The following BRINP1 variants were observed in gnomAD, a reference collection of about 807,000 sequenced individuals.
BRINP1 encodes the protein BMP/retinoic acid-inducible neural-specific protein 1.
Under a neutral mutation model 72.9 loss-of-function variants are expected in BRINP1, and 17 were observed. The ratio of observed to expected loss-of-function variants is 0.23; its 90% CI spans 0.16 to 0.35. BRINP1 has a LOEUF of 0.35. Ranked by LOEUF, BRINP1 falls within the 10% of genes least tolerant of loss-of-function variation. The probability of loss-of-function intolerance (pLI) is 1.00; values close to 1 mark genes in which losing one functional copy is unlikely to be tolerated. For synonymous variants in BRINP1, 418 were observed against 378.5 expected (o/e 1.10, Z -1.21); for missense variants, 850 against 1,001.6 (o/e 0.85, Z 2.04).
At chr9:119,288,967 A>AT (rs1321965331) in intron 2 of BRINP1, among the ~76,000 whole-genome samples, 2 of 152,086 alleles carry the variant, frequency 1.3e-5, no homozygotes, top group Non-Finnish European at 2.9e-5. Context: ...CACCTGGCTA[A>AT]TTTTTTATAT....
At chr9:119,261,830 CTTCT>C (rs1166294864) in intron 2 of BRINP1, among the ~76,000 whole-genome samples, 7 of 146,896 alleles carry the variant, frequency 4.8e-5, no homozygotes, top group Admixed American at 2.1e-4. Flanking sequence ...TTTATTCTTT[CTTCT>C]TTCTTTCTCC....
chr9:119,313,047 T>C, intron 2 of BRINP1, 91 bp downstream of exon 2: 7 of 1,439,210 alleles, frequency 4.9e-6, no homozygotes, highest in Non-Finnish European at 6.6e-6. Context: ...CCCAGACACT[T>C]CTGCACACAG....
At chr9:119,348,476 G>A (rs757232839) in intron 1 of BRINP1, among the ~76,000 whole-genome samples, 13 of 152,158 alleles carry the variant, frequency 8.5e-5, no homozygotes, top group Non-Finnish European at 1.9e-4. Context: ...TAAATGTCAA[G>A]GACCCTGATT....
At chr9:119,304,772 G>A (rs1052506841) in intron 2 of BRINP1, among the ~76,000 whole-genome samples, 1 of 152,210 alleles carries the variant, frequency 6.6e-6, no homozygotes, top group Admixed American at 6.5e-5. Context: ...ATTGGTATTT[G>A]AGGGTTAATG....
At chr9:119,228,035 G>C (rs924939358) in intron 5 of BRINP1, among the ~76,000 whole-genome samples, 1 of 151,654 alleles carries the variant, frequency 6.6e-6, no homozygotes, top group Non-Finnish European at 1.5e-5. Context: ...AGTCATCTTC[G>C]CTCCATCTGT....
At chr9:119,357,825 A>T (rs1831584263) in intron 1 of BRINP1, among the ~76,000 whole-genome samples, 1 of 152,160 alleles carries the variant, frequency 6.6e-6, no homozygotes, top group Non-Finnish European at 1.5e-5. Flanking sequence ...TGCAATGACT[A>T]ACCTATCCCA....
At chr9:119,274,834 A>T (rs1830639899) in intron 2 of BRINP1, among the ~76,000 whole-genome samples, 1 of 152,162 alleles carries the variant, frequency 6.6e-6, no homozygotes, top group Admixed American at 6.6e-5. Flanking sequence ...AGCTTGGAGG[A>T]TCTTCTAATT....
At chr9:119,279,311 C>T (rs1455177220) in intron 2 of BRINP1, among the ~76,000 whole-genome samples, 1 of 152,238 alleles carries the variant, frequency 6.6e-6, no homozygotes, top group Non-Finnish European at 1.5e-5. Flanking sequence ...TCCTTTAGAA[C>T]TCAACTCAGC....
At chr9:119,346,631 C>A (rs1831455547) in intron 1 of BRINP1, among the ~76,000 whole-genome samples, 2 of 151,852 alleles carry the variant, frequency 1.3e-5, no homozygotes, top group Admixed American at 1.3e-4. Flanking sequence ...GAAAAAAAAA[C>A]AATTCCAACA....
chr9:119,358,550 C>T (rs139257646), intron 1 of BRINP1, among the ~76,000 whole-genome samples: 2,863 of 152,176 alleles, frequency 0.019, 96 homozygotes, highest in African/African-American at 0.065. Context: ...AAAAATTAGC[C>T]GGGCATGGCG....
At chr9:119,291,526 C>T (rs530878731) in intron 2 of BRINP1, among the ~76,000 whole-genome samples, 52 of 152,296 alleles carry the variant, frequency 3.4e-4, no homozygotes, top group Admixed American at 2.5e-3. Flanking sequence ...TAACCACCAC[C>T]AATTTTCTCT....
chr9:119,322,267 C>A (rs992644978), intron 1 of BRINP1, among the ~76,000 whole-genome samples: 1 of 152,158 alleles, frequency 6.6e-6, no homozygotes, highest in Non-Finnish European at 1.5e-5. Flanking sequence ...CCCTTGACCT[C>A]CTGCGACCTT....
chr9:119,282,730 A>C, intron 2 of BRINP1: 1 of 919,850 alleles, frequency 1.1e-6, no homozygotes, highest in Non-Finnish European at 1.3e-6. Context: ...GGACTGGGGA[A>C]CAAGAATGTT....
rs73658870 is a variant in BRINP1 at position 119,206,842 on chromosome 9, G to A, written c.1145+1877C>T. 6.4e-3 allele frequency among the ~76,000 whole-genome samples: 972 copies of A among 152,284 alleles called. 12 individuals are homozygous for A. Among genetic ancestry groups the A allele is most frequent in the African/African-American group, 0.022 (918 of 41,552 alleles). On this transcript the variant is annotated intron_variant, in intron 7 of 7. Coordinates refer to ENST00000265922, the MANE Select transcript of BRINP1 (RefSeq NM_014618.3). ...AGGAAGCTTCTTCAGAGACTTGCTC[G>A]TGGTAGCAGTCTGAGCATCTGTTGT...
intron 2 of BRINP1, among the ~76,000 whole-genome samples, chr9:119,268,153 G>A (rs909175560): frequency 1.3e-5 from 2 of 152,072 alleles, no homozygotes; most frequent in Non-Finnish European, 2.9e-5. Flanking sequence ...TGAGGCCAGA[G>A]AATCACTTGT....
chr9:119,268,289 T>C lies in BRINP1; in HGVS notation c.219-19139A>G, dbSNP rs796774293. On this transcript the variant is annotated intron_variant, in intron 2 of 7. Transcript: ENST00000265922. ...ATAGATAGATAGATAGATAGATAGA[T>C]AGATAGATAGATAAAAGTGTTTTTG... is the stretch of plus-strand genomic sequence containing the variant. Among the ~76,000 whole-genome samples, 168 of 148,704 alleles carry C rather than the reference T, an allele frequency of 1.1e-3. 2 individuals are homozygous for C. Among genetic ancestry groups the C allele is most frequent in the Middle Eastern group, 7.0e-3 (2 of 286 alleles).
At chr9:119,183,012 G>A (rs188647553) in intron 7 of BRINP1, among the ~76,000 whole-genome samples, 3 of 152,258 alleles carry the variant, frequency 2.0e-5, no homozygotes, top group Admixed American at 6.5e-5. Context: ...TAAAAAGAAG[G>A]TAAGCACTAA....
chr9:119,287,895 C>G (rs1255787754), intron 2 of BRINP1, among the ~76,000 whole-genome samples: 2 of 151,988 alleles, frequency 1.3e-5, no homozygotes, highest in Non-Finnish European at 2.9e-5. Flanking sequence ...GGGTACTAGG[C>G]TTAATACCTG....
intron 7 of BRINP1, among the ~76,000 whole-genome samples, chr9:119,195,512 T>C (rs1829728862): frequency 6.6e-6 from 1 of 152,244 alleles, no homozygotes; most frequent in Non-Finnish European, 1.5e-5. Flanking sequence ...ACATCATCAG[T>C]GTGAAAGCCC....
Sources: allele counts gnomAD v4.1 joint callset (sites outside exome capture counted in the v4.1 genomes callset), GRCh38; gene constraint gnomAD v4.1.1; transcripts MANE v1.5; gene names NCBI Gene and HGNC (gene_info 2026-07-23, HGNC 2026-07-21).